The following TLN1 variants were observed in gnomAD, a reference collection of about 807,000 sequenced individuals.
The protein encoded by TLN1 is talin-1.
A neutral mutation model predicts 292.3 loss-of-function variants in TLN1; 56 were observed. The observed-to-expected ratio is 0.19, with a 90% CI of 0.15 to 0.24. TLN1 has a LOEUF of 0.24. Ranked by LOEUF, TLN1 falls within the 10% of genes least tolerant of loss-of-function variation. The pLI is 1.00. For missense variants in TLN1, 2,433 were observed against 3,248.2 expected (o/e 0.75, Z 6.10); for synonymous variants, 1,119 against 1,253.7 (o/e 0.89, Z 2.27).
At position 35,710,692 on chromosome 9, in the gene TLN1, C is replaced by A. The variant is rs767746648; in HGVS notation, c.4204-9G>T. 3 of 1,614,092 alleles carry A rather than the reference C, an allele frequency of 1.9e-6. No individual in the cohort carries two copies. Among genetic ancestry groups the A allele is most frequent in the African/African-American group, 2.7e-5 (2 of 75,060 alleles). On this transcript the variant is annotated splice_polypyrimidine_tract_variant and intron_variant, in intron 32 of 56. Transcript: ENST00000314888. Reference sequence around the variant, plus strand: ...ATGGCCTCGCCCAGCACCTGAGGAACAGAGGACATCAGGGGAGTCAGAGCA... The same window carrying A: ...ATGGCCTCGCCCAGCACCTGAGGAAAAGAGGACATCAGGGGAGTCAGAGCA...
rs1402618149 is a variant in TLN1, at chr9:35,719,033, G to C, written c.1896+41C>G. The C allele has an allele frequency of 6.2e-7, 1 of 1,600,248 alleles. No homozygotes were observed. The highest frequency in any genetic ancestry group is 8.5e-7 in the Non-Finnish European group (1 of 1,171,234). ...TGGACTGCCCCTTCTCCTTGGGCTT[G>C]AACCCTGTCTCCACCCTAACCCAAA... On this transcript the variant is annotated intron_variant, in intron 16 of 56. Coordinates refer to ENST00000314888, the MANE Select transcript of TLN1 (RefSeq NM_006289.4). This position sits in a 1 kb window ranked among gnomAD's most constrained non-coding sequence, Gnocchi z 4.6.
At position 35,707,276 on chromosome 9, in the gene TLN1, G is replaced by A. The variant is rs1023153952; in HGVS notation, c.4774-23C>T. 1 of 1,604,384 alleles carries A rather than the reference G, an allele frequency of 6.2e-7. No individual in the cohort carries two copies. Among genetic ancestry groups the A allele is most frequent in the Non-Finnish European group, 8.5e-7 (1 of 1,172,996 alleles). On this transcript the variant is annotated intron_variant, in intron 36 of 56. Transcript: ENST00000314888. This position sits in a 1 kb window ranked among gnomAD's most constrained non-coding sequence, Gnocchi z 5.6. ...ACCCTGGGGAGAGGGGAGGCAGGAA[G>A]GTAAGTCTCAGGAGTCCCTGGAAGA... is the stretch of plus-strand genomic sequence containing the variant.
chr9:35,706,686 C>G lies in TLN1; in HGVS notation c.5088+82G>C. 1 of 1,587,262 alleles carries G rather than the reference C, an allele frequency of 6.3e-7. No individual in the cohort carries two copies. Among genetic ancestry groups the G allele is most frequent in the Non-Finnish European group, 8.6e-7 (1 of 1,166,294 alleles). ...CCCAGCCTTTGATGTCCCTAAGAAG[C>G]CACTCCTTGATCCCCCAGCTTCTTT... On this transcript the variant is annotated intron_variant, in intron 38 of 56. Transcript: ENST00000314888. The surrounding 1 kb of genome is among the most constrained non-coding windows in gnomAD (Gnocchi z 4.2).
Position 35,707,995 on chromosome 9 carries a change from GA to G in TLN1, c.4471-104del. 1.5e-6 allele frequency: 2 copies of G among 1,349,934 alleles called. No homozygotes were observed. The highest frequency in any genetic ancestry group is 2.0e-6 in the Non-Finnish European group (2 of 980,080). The allele number at this position is 1,349,934 out of a possible 1,614,324, so 83.6% of individuals were successfully genotyped here. On this transcript the variant is annotated intron_variant, in intron 34 of 56. Coordinates refer to ENST00000314888, the MANE Select transcript of TLN1 (RefSeq NM_006289.4). The surrounding 1 kb of genome is among the most constrained non-coding windows in gnomAD (Gnocchi z 5.6). ...AGGGGATGGAGAGCAATACCCTGAG[GA>G]GTCAAAACAGGAATAACAGAGTCAC... is the stretch of plus-strand genomic sequence containing the variant.
At position 35,705,833 on chromosome 9, in the gene TLN1, C is replaced by G. The variant is rs1359485487; in HGVS notation, c.5530G>C (p.Gly1844Arg). 1 of 1,614,212 alleles carries G rather than the reference C, an allele frequency of 6.2e-7. No individual in the cohort carries two copies. Among genetic ancestry groups the G allele is most frequent in the Admixed American group, 1.7e-5 (1 of 60,018 alleles). ...TCCACGAAGGAACCTTCTGGTTCAC[C>G]CATTGGTCCTTCATCTAGCTGAGGG... is the stretch of plus-strand genomic sequence containing the variant. ...AINQLDEGPM[G>R]EPEGSFVDYQ... Residue 1844 changes from glycine (G) to arginine (R), a missense_variant, in exon 42 of 57, where the codon GGT becomes CGT. This residue lies in a region of TLN1 where 1,384 missense variants were observed against 1,699.6 expected (regional missense o/e 0.81). Transcript: ENST00000314888.
chr9:35,731,642 G>A (rs1350994953), intron 1 of TLN1, among the ~76,000 whole-genome samples: 2 of 152,046 alleles, frequency 1.3e-5, no homozygotes, highest in East Asian at 1.9e-4. Context: ...GATAATGACC[G>A]TAATCTAAAC....
rs1825869269 is a variant in TLN1, at chr9:35,720,854, A to T, written c.1164T>A (p.Ile388=). The change falls in exon 11 of 57, where the codon ATT becomes ATA. Residue 388 remains isoleucine (I), a synonymous_variant. Coordinates refer to ENST00000314888, the MANE Select transcript of TLN1 (RefSeq NM_006289.4). The part of the protein sequence containing the change: ...YSVQTTEGEQ[I]AQLIAGYIDI... The stretch of plus-strand genomic sequence containing the variant: ...CGATGTAGCCGGCAATGAGCTGTGC[A>T]ATCTGCTCCCCTTCAGTTGTCTGTA... 1 of 1,614,034 alleles carries T rather than the reference A, an allele frequency of 6.2e-7. No homozygotes were observed. Among genetic ancestry groups the T allele is most frequent in the Admixed American group, 1.7e-5 (1 of 59,994 alleles).
intron 43 of TLN1, among the ~76,000 whole-genome samples, 190 bp downstream of exon 43, chr9:35,705,361 C>T (rs73438731): frequency 6.6e-6 from 1 of 152,166 alleles, no homozygotes; most frequent in Non-Finnish European, 1.5e-5. Flanking sequence ...TGAGCTGTTT[C>T]CTTTGTACCT....
In TLN1 at chr9:35,719,065, G is replaced by GT; in HGVS notation, c.1896+8_1896+9insA. ...GTCTCCACCCTAACCCAAACCTGTG[G>GT]CCCCTGACCTCAGCACTGGCTGGTT... On this transcript the variant is annotated intron_variant, in intron 16 of 56. Coordinates refer to ENST00000314888, the MANE Select transcript of TLN1 (RefSeq NM_006289.4). This position sits in a 1 kb window ranked among gnomAD's most constrained non-coding sequence, Gnocchi z 4.6. 1 of 1,608,378 alleles carries GT rather than the reference G, an allele frequency of 6.2e-7. No individual in the cohort carries two copies. Among genetic ancestry groups the GT allele is most frequent in the African/African-American group, 1.3e-5 (1 of 74,954 alleles).
intron 33 of TLN1, among the ~76,000 whole-genome samples, chr9:35,709,707 T>C (rs1224545388): frequency 6.8e-6 from 1 of 146,314 alleles, no homozygotes; most frequent in Admixed American, 6.9e-5. Flanking sequence ...GCTAACACGG[T>C]GAAACCCCGT....
At position 35,732,054 on chromosome 9, in the gene TLN1, G is replaced by T. The variant is rs1170021623; in HGVS notation, c.-34+21C>A. 8 of 150,156 alleles carry T rather than the reference G, an allele frequency of 5.3e-5. No homozygotes were observed. The East Asian group carries it at 1.4e-3, about 26-fold the overall frequency. The allele number at this position is 150,156 out of a possible 1,614,324, so 9.3% of individuals were successfully genotyped here. A position where few individuals can be genotyped will look rare whatever the true frequency, so the allele number is the denominator to read the frequency against. Reference sequence around the variant, plus strand: ...CCCGCGGCCCCACCCTAAGGCCCCCGCCCGGCCCGGTCTGGCCTACCTGCG... The same window carrying T: ...CCCGCGGCCCCACCCTAAGGCCCCCTCCCGGCCCGGTCTGGCCTACCTGCG... On this transcript the variant is annotated intron_variant, in intron 1 of 56. Transcript: ENST00000314888. This position sits in a 1 kb window ranked among gnomAD's most constrained non-coding sequence, Gnocchi z 5.1.
rs1329219035 is a variant in TLN1 at position 35,712,004 on chromosome 9, C to A, written c.3681+1G>T. The A allele has an allele frequency of 6.2e-7, 1 of 1,613,712 alleles. No homozygotes were observed. Among genetic ancestry groups the A allele is most frequent in the Admixed American group, 1.7e-5 (1 of 59,996 alleles). On this transcript the variant is annotated splice_donor_variant, in intron 28 of 56. Coordinates refer to ENST00000314888, the MANE Select transcript of TLN1 (RefSeq NM_006289.4). LOFTEE classifies it high-confidence loss of function. ...TCCCCCACCCCCTACCGTCCTCCTACCGAGTCACTCAGGAGTCGCTTGCTG... is the reference window on the plus strand; with the variant it reads ...TCCCCCACCCCCTACCGTCCTCCTAACGAGTCACTCAGGAGTCGCTTGCTG...
chr9:35,698,666 G>A lies in TLN1; in HGVS notation c.7139C>T (p.Pro2380Leu), dbSNP rs1401457998. 6.2e-7 allele frequency: 1 copy of A among 1,614,144 alleles called. No individual in the cohort carries two copies. Residue 2380 changes from proline to leucine, a missense_variant, in exon 54 of 57, where the codon CCA (proline) becomes CTA (leucine). This residue lies in a region of TLN1 where 141 missense variants were observed against 248.5 expected (regional missense o/e 0.57). Coordinates refer to ENST00000314888, the MANE Select transcript of TLN1 (RefSeq NM_006289.4). This position sits in a 1 kb window ranked among gnomAD's most constrained non-coding sequence, Gnocchi z 5.3. Reference sequence around the variant, plus strand: ...CTGCCCATCGTCCAGTGCATTGGCTGGAATGGCACCCACCTGTAGGAAGGA... The same window carrying A: ...CTGCCCATCGTCCAGTGCATTGGCTAGAATGGCACCCACCTGTAGGAAGGA... Reference protein sequence around the residue: ...LVAQGKVGAIPANALDDGQWS... With the variant: ...LVAQGKVGAILANALDDGQWS...
chr9:35,721,749 C>G lies in TLN1; in HGVS notation c.1003G>C (p.Glu335Gln). 6.2e-7 allele frequency: 1 copy of G among 1,613,860 alleles called. No individual in the cohort carries two copies. Among genetic ancestry groups the G allele is most frequent in the Non-Finnish European group, 8.5e-7 (1 of 1,179,722 alleles). Residue 335 changes from glutamate to glutamine, a missense_variant, in exon 10 of 57, where the codon GAG (glutamate) becomes CAG (glutamine). By Grantham distance (29) the Glu-to-Gln change is conservative. Transcript: ENST00000314888. ...TTCTCATCCACTCGCATCACACACT[C>G]CTTGGTGATGCCCAGAAGCCTGGGC... is the stretch of plus-strand genomic sequence containing the variant. ...LVPRLLGITK[E>Q]CVMRVDEKTK...
chr9:35,707,497 GAC>G lies in TLN1; in HGVS notation c.4633-11_4633-10del. 6.2e-7 allele frequency: 1 copy of G among 1,613,432 alleles called. No homozygotes were observed. Reference sequence around the variant, plus strand: ...AAGGCCCCATCTAGCGCCTAGAAGTGACAGAGAGGCTCTCAGGACTTGGGATG... The same window carrying G: ...AAGGCCCCATCTAGCGCCTAGAAGTGAGAGAGGCTCTCAGGACTTGGGATG... On this transcript the variant is annotated splice_polypyrimidine_tract_variant and intron_variant, in intron 35 of 56. Transcript: ENST00000314888. The surrounding 1 kb of genome is among the most constrained non-coding windows in gnomAD (Gnocchi z 5.6).
At chr9:35,711,836 T>A (rs200291356) in intron 28 of TLN1, 44 bp from the exon 29 acceptor site, 28 of 1,611,612 alleles carry the variant, frequency 1.7e-5, no homozygotes, top group Middle Eastern at 1.6e-4. Flanking sequence ...TGGGGAATGA[T>A]GCAGGGAGAA....
rs1378151192 is a variant in TLN1, at chr9:35,699,207, A to G, written c.6875-51T>C. On this transcript the variant is annotated intron_variant, in intron 51 of 56. Coordinates refer to ENST00000314888, the MANE Select transcript of TLN1 (RefSeq NM_006289.4). This position sits in a 1 kb window ranked among gnomAD's most constrained non-coding sequence, Gnocchi z 4.0. ...AGGCTAAGGCAGAGTGGGGAGGTCA[A>G]AAGCACCAGGGAGCATGGTTAGTAT... is the stretch of plus-strand genomic sequence containing the variant. 1.9e-6 allele frequency: 3 copies of G among 1,582,250 alleles called. No individual in the cohort carries two copies. Among genetic ancestry groups the G allele is most frequent in the Non-Finnish European group, 2.6e-6 (3 of 1,162,124 alleles).
At position 35,715,194 on chromosome 9, in the gene TLN1, G is replaced by A. The variant is rs1197515325; in HGVS notation, c.2626-7C>T. 1 of 1,608,230 alleles carries A rather than the reference G, an allele frequency of 6.2e-7. No homozygotes were observed. Among genetic ancestry groups the A allele is most frequent in the South Asian group, 1.1e-5 (1 of 91,026 alleles). On this transcript the variant is annotated splice_region_variant and splice_polypyrimidine_tract_variant and intron_variant, in intron 20 of 56. Coordinates refer to ENST00000314888, the MANE Select transcript of TLN1 (RefSeq NM_006289.4). The stretch of plus-strand genomic sequence containing the variant: ...CAGGGTGGGCAGCTGCTCCCTGAGG[G>A]AGAGGTGGAAAGACAGTCATCACCC...
Position 35,707,701 on chromosome 9 carries a change from G to A in TLN1, c.4632+30C>T, listed in dbSNP as rs756057593. 2 of 1,613,912 alleles carry A rather than the reference G, an allele frequency of 1.2e-6. No homozygotes were observed. Among genetic ancestry groups the A allele is most frequent in the Admixed American group, 3.3e-5 (2 of 60,016 alleles). On this transcript the variant is annotated intron_variant, in intron 35 of 56. Transcript: ENST00000314888. This position sits in a 1 kb window ranked among gnomAD's most constrained non-coding sequence, Gnocchi z 5.6. ...CGGGGGAGAAGATAGGACAGGTCAG[G>A]GAGAGGCTGGGAATTCAAGCAATGG...
Sources: allele counts gnomAD v4.1 joint callset (sites outside exome capture counted in the v4.1 genomes callset), GRCh38; gene constraint gnomAD v4.1.1; regional missense constraint gnomAD v4.1.1; non-coding constraint Gnocchi (gnomAD v3.1); transcripts MANE v1.5; gene names NCBI Gene and HGNC (gene_info 2026-07-23, HGNC 2026-07-21).